GPC3: variants seen among roughly 807,000 people sequenced by gnomAD.
GPC3 encodes the protein glypican 3.
A neutral mutation model predicts 34.4 loss-of-function variants in GPC3; 3 were observed. The ratio of observed to expected loss-of-function variants is 0.09; its 90% CI spans 0.04 to 0.23. The LOEUF is 0.23. Among genes scored for constraint, GPC3 ranks in the 10% least tolerant of loss-of-function variants. The pLI, the probability that GPC3 is intolerant of heterozygous loss-of-function variation, is 1.00. For missense variants in GPC3, 351 were observed against 445.6 expected (o/e 0.79, Z 1.91); for synonymous variants, 177 against 174.0 (o/e 1.02, Z -0.13).
chrX:133,953,748 G>A (rs904451597), intron 1 of GPC3, among the ~76,000 whole-genome samples: 32 of 112,096 alleles, frequency 2.9e-4, no homozygotes, highest in African/African-American at 9.7e-4. Flanking sequence ...TCTGAAGCAA[G>A]ATACAAGTCA....
At chrX:133,623,891 T>C (rs2070264087) in intron 6 of GPC3, among the ~76,000 whole-genome samples, 1 of 111,568 alleles carries the variant, frequency 9.0e-6, no homozygotes, top group Non-Finnish European at 1.9e-5. Flanking sequence ...TATTCCAAAA[T>C]TGACCACATA....
chrX:133,861,129 C>A (rs1429631255), intron 2 of GPC3, among the ~76,000 whole-genome samples: 1 of 111,131 alleles, frequency 9.0e-6, no homozygotes, highest in African/African-American at 3.3e-5. Context: ...TCCATTTTAA[C>A]CCAATTGGGA....
chrX:133,953,442 A>G (rs1257968780), intron 1 of GPC3, among the ~76,000 whole-genome samples: 1 of 111,815 alleles, frequency 8.9e-6, no homozygotes, highest in East Asian at 2.8e-4. Flanking sequence ...AATAACCATC[A>G]GAATTAATTG....
At chrX:133,554,976 C>T (rs2069473470) in intron 7 of GPC3, among the ~76,000 whole-genome samples, 1 of 112,515 alleles carries the variant, frequency 8.9e-6, no homozygotes, top group South Asian at 3.7e-4. Flanking sequence ...CCTTGACCTC[C>T]TGGGCTCATA....
intron 3 of GPC3, among the ~76,000 whole-genome samples, chrX:133,726,025 C>T (rs749813876): frequency 1.8e-5 from 2 of 112,051 alleles, no homozygotes; most frequent in Non-Finnish European, 3.8e-5. Context: ...GATACATAAA[C>T]GCTCTATCTC....
At chrX:133,971,121 A>G (rs912003418) in intron 1 of GPC3, among the ~76,000 whole-genome samples, 2 of 112,252 alleles carry the variant, frequency 1.8e-5, no homozygotes, top group African/African-American at 6.5e-5. Context: ...AAAAAAGGAA[A>G]GCATTCAATG....
chrX:133,762,788 C>T (rs1253587807), intron 2 of GPC3: 4 of 465,433 alleles, frequency 8.6e-6, no homozygotes, highest in South Asian at 5.3e-5. Context: ...CAGAGGAAAA[C>T]TTTCACAACG....
At chrX:133,937,244 G>C (rs2076327142) in intron 2 of GPC3, among the ~76,000 whole-genome samples, 1 of 110,831 alleles carries the variant, frequency 9.0e-6, no homozygotes, top group Non-Finnish European at 1.9e-5. Context: ...TCCACAACAG[G>C]GAAAAGTCTC....
At chrX:133,670,965 G>A (rs748721364) in intron 5 of GPC3, 3 of 463,253 alleles carry the variant, frequency 6.5e-6, no homozygotes, top group East Asian at 7.2e-5. Context: ...AGGATAGACA[G>A]CCATCATGAA....
chrX:133,903,736 G>A (rs1334259548), intron 2 of GPC3, among the ~76,000 whole-genome samples: 1 of 112,465 alleles, frequency 8.9e-6, no homozygotes, highest in Non-Finnish European at 1.9e-5. Flanking sequence ...TAGGAGCCAA[G>A]TGGGAGCTGA....
chrX:133,592,078 C>T (rs1454843220), intron 7 of GPC3, among the ~76,000 whole-genome samples: 1 of 111,028 alleles, frequency 9.0e-6, no homozygotes, highest in East Asian at 2.8e-4. Context: ...CTGACTCTGC[C>T]CTTTGTGAAT....
At chrX:133,875,523 T>C (rs753758492) in intron 2 of GPC3, among the ~76,000 whole-genome samples, 56 of 111,626 alleles carry the variant, frequency 5.0e-4, no homozygotes, top group Non-Finnish European at 9.4e-4. Flanking sequence ...AATAGTTTTT[T>C]GGCATTCACC....
chrX:133,781,777 A>G (rs929953430), intron 2 of GPC3, among the ~76,000 whole-genome samples: 2 of 110,781 alleles, frequency 1.8e-5, no homozygotes, highest in Admixed American at 1.9e-4. Context: ...TTTAGCCTCA[A>G]CTCCTGTGTT....
intron 2 of GPC3, among the ~76,000 whole-genome samples, chrX:133,890,074 C>G (rs2076079895): frequency 9.1e-6 from 1 of 110,247 alleles, no homozygotes; most frequent in Non-Finnish European, 1.9e-5. Context: ...TGGCCTCTAG[C>G]CTTCTTTTGA....
At chrX:133,765,223 A>G (rs1306634314) in intron 2 of GPC3, among the ~76,000 whole-genome samples, 1 of 112,244 alleles carries the variant, frequency 8.9e-6, no homozygotes, top group African/African-American at 3.2e-5. Context: ...ATTATATCTT[A>G]GCTAGACCAA....
intron 2 of GPC3, among the ~76,000 whole-genome samples, chrX:133,867,873 A>C (rs2075975707): frequency 1.9e-5 from 2 of 107,944 alleles, no homozygotes; most frequent in Non-Finnish European, 3.8e-5. Flanking sequence ...AAACGCCAAG[A>C]GGAGTTCAGC....
At chrX:133,856,970 T>C (rs1409794676) in intron 2 of GPC3, among the ~76,000 whole-genome samples, 3 of 112,172 alleles carry the variant, frequency 2.7e-5, no homozygotes, top group African/African-American at 9.7e-5. Context: ...GTAAATGTGA[T>C]AGCATTGGTG....
At chrX:133,742,419 A>T (rs2071571897) in intron 3 of GPC3, among the ~76,000 whole-genome samples, 1 of 111,718 alleles carries the variant, frequency 9.0e-6, no homozygotes, top group Admixed American at 9.5e-5. Context: ...CCACACCCAG[A>T]ACTCAGTAAT....
intron 2 of GPC3, among the ~76,000 whole-genome samples, chrX:133,919,373 G>A (rs928880566): frequency 8.0e-5 from 9 of 112,019 alleles, no homozygotes; most frequent in Non-Finnish European, 1.3e-4. Flanking sequence ...CATTGTCTGT[G>A]AATTTCATAA....
Sources: gnomAD v4.1 joint callset for allele counts (sites outside exome capture counted in the v4.1 genomes callset) on GRCh38, gnomAD v4.1.1 for gene constraint, MANE v1.5 for transcripts, NCBI Gene and HGNC (gene_info 2026-07-23, HGNC 2026-07-21) for gene names.